Variants in SYTL5 observed in about 807,000 individuals in gnomAD.
SYTL5 encodes synaptotagmin-like protein 5.
SYTL5 carries 34 observed loss-of-function variants against 55.9 expected under a neutral mutation model. The ratio of observed to expected loss-of-function variants is 0.61; its 90% CI spans 0.46 to 0.81. The LOEUF (loss-of-function observed/expected upper bound fraction) is 0.81. Ranked by LOEUF, SYTL5 falls within the 30% of genes least tolerant of loss-of-function variation. SYTL5 has a pLI of 0.00. For synonymous variants in SYTL5, 221 were observed against 188.7 expected, an observed-to-expected ratio of 1.17 and a Z score of -1.40; for missense variants, 637 against 546.7, an observed-to-expected ratio of 1.17 and a Z score of -1.65.
intron 3 of SYTL5, among the ~76,000 whole-genome samples, chrX:38,062,607 C>T (rs1372883749): frequency 9.0e-6 from 1 of 111,568 alleles, no homozygotes; most frequent in East Asian, 2.8e-4. Context: ...ACTGGGCTCA[C>T]ACTGACAAAC....
At chrX:37,906,490 A>G in the SYTL5 span, 14 of 111,722 alleles carry the variant, frequency 1.3e-4, no homozygotes, top group Admixed American at 9.5e-5. Flanking sequence ...CAGAGGGCTT[A>G]GCTGGGATCC....
chrX:38,074,466 G>C (rs768322096), intron 5 of SYTL5, among the ~76,000 whole-genome samples: 114 of 110,855 alleles, frequency 1.0e-3, no homozygotes, highest in Middle Eastern at 9.2e-3. Context: ...GCCTGAGCTG[G>C]CCTTGAACTC....
the SYTL5 span, among the ~76,000 whole-genome samples, chrX:37,911,324 C>T: frequency 9.0e-6 from 1 of 110,703 alleles, no homozygotes. Flanking sequence ...GTTAATAGGA[C>T]GAAGGATGAG....
chrX:37,936,000 A>C, the SYTL5 span, among the ~76,000 whole-genome samples: 5 of 112,273 alleles, frequency 4.5e-5, no homozygotes, highest in African/African-American at 6.5e-5. Flanking sequence ...ATTCAAAGTC[A>C]CAAATATGTC....
chrX:38,019,153 C>A, intron 1 of SYTL5, among the ~76,000 whole-genome samples: 1 of 112,537 alleles, frequency 8.9e-6, no homozygotes, highest in East Asian at 2.8e-4. Context: ...AACGGAGCTG[C>A]TCTGTTTGAA....
At position 38,025,323 on chromosome X, in the gene SYTL5, T is replaced by G. The variant is rs147198944; in HGVS notation, c.-356-8211T>G. On this transcript the variant is annotated intron_variant, in intron 1 of 16. Transcript: ENST00000297875. ...TTAAAGCTGCATTTCAAGTACACAGTAATGAGATATATTCAGATATACCCT... is the reference window on the plus strand; with the variant it reads ...TTAAAGCTGCATTTCAAGTACACAGGAATGAGATATATTCAGATATACCCT... Among the ~76,000 whole-genome samples, 1,046 of 112,474 alleles carry G rather than the reference T, an allele frequency of 9.3e-3. 6 individuals carry two copies. Among genetic ancestry groups the G allele is most frequent in the Middle Eastern group, 0.023 (5 of 218 alleles).
chrX:38,111,521 G>T (rs1937358352), intron 13 of SYTL5, among the ~76,000 whole-genome samples: 1 of 112,089 alleles, frequency 8.9e-6, no homozygotes, highest in African/African-American at 3.2e-5. Context: ...GCAGTGATTA[G>T]GCATAGCTTG....
chrX:38,027,092 C>T (rs1413393615), intron 1 of SYTL5, among the ~76,000 whole-genome samples: 2 of 111,649 alleles, frequency 1.8e-5, no homozygotes, highest in African/African-American at 6.5e-5. Flanking sequence ...GAGAGGAGCT[C>T]AGTTGGAAAG....
intron 2 of SYTL5, among the ~76,000 whole-genome samples, chrX:38,037,277 A>T (rs73465412): frequency 1.8e-5 from 2 of 110,564 alleles, no homozygotes; most frequent in Admixed American, 1.9e-4. Flanking sequence ...CCTAAAAATC[A>T]CACCCTTGCT....
At chrX:38,081,241 A>C (rs2147461000) in intron 6 of SYTL5, among the ~76,000 whole-genome samples, 1 of 111,616 alleles carries the variant, frequency 9.0e-6, no homozygotes. Flanking sequence ...TCAAAGCCAC[A>C]AGCTGTAGCA....
At chrX:37,899,176 A>G in the SYTL5 span, among the ~76,000 whole-genome samples, 1 of 111,735 alleles carries the variant, frequency 8.9e-6, no homozygotes, top group East Asian at 2.8e-4. Context: ...TTAATCTATT[A>G]TACATCATTT....
chrX:37,939,258 TA>T, the SYTL5 span, among the ~76,000 whole-genome samples: 12 of 86,350 alleles, frequency 1.4e-4, no homozygotes, highest in African/African-American at 1.2e-4. Context: ...AAACTCCTTC[TA>T]AAAAAAAAAG....
At chrX:37,969,314 T>C in the SYTL5 span, among the ~76,000 whole-genome samples, 9 of 111,640 alleles carry the variant, frequency 8.1e-5, no homozygotes, top group South Asian at 1.5e-3. Flanking sequence ...TCAGATTAAA[T>C]TTACCAAATT....
rs1937619895 is a variant in SYTL5 at position 38,125,349 on chromosome X, A to G, written c.1893A>G (p.Ile631Met). 3 of 1,211,590 alleles carry G rather than the reference A, an allele frequency of 2.5e-6. No individual in the cohort carries two copies. The East Asian group carries it at 8.9e-5, about 36-fold the overall frequency. ...CCACCAAGCACAAAACTCTGGTAAT[A>G]AAAAAGAGTGTTAACCCTCAGTGGA... is the stretch of plus-strand genomic sequence containing the variant. ...SKATKHKTLV[I>M]KKSVNPQWNH... Residue 631 changes from isoleucine (I) to methionine (M), a missense_variant, in exon 16 of 17, where the codon ATA becomes ATG. By Grantham distance (10) the Ile-to-Met change is conservative. Coordinates refer to ENST00000297875, the MANE Select transcript of SYTL5 (RefSeq NM_138780.3).
the SYTL5 span, chrX:37,939,591 C>A: frequency 8.9e-6 from 1 of 112,254 alleles, no homozygotes; most frequent in Non-Finnish European, 1.9e-5. Flanking sequence ...GGTGCACTGG[C>A]TGAGCGCCAT....
At chrX:37,943,615 G>A in the SYTL5 span, among the ~76,000 whole-genome samples, 34 of 111,372 alleles carry the variant, frequency 3.1e-4, no homozygotes, top group African/African-American at 1.0e-3. Flanking sequence ...AAGTGTGGGG[G>A]ATTTTCAGTA....
At chrX:37,955,113 T>C in the SYTL5 span, among the ~76,000 whole-genome samples, 1 of 110,288 alleles carries the variant, frequency 9.1e-6, no homozygotes, top group African/African-American at 3.3e-5. Flanking sequence ...AAAATTAGGG[T>C]TATGGTCCCT....
At chrX:37,902,255 G>A in the SYTL5 span, among the ~76,000 whole-genome samples, 533 of 111,823 alleles carry the variant, frequency 4.8e-3, 1 homozygote, top group African/African-American at 0.013. Flanking sequence ...CTTCCTGTGC[G>A]CACCTTAATA....
chrX:38,050,887 C>T (rs1935605744), intron 2 of SYTL5, among the ~76,000 whole-genome samples: 1 of 112,228 alleles, frequency 8.9e-6, no homozygotes, highest in Non-Finnish European at 1.9e-5. Flanking sequence ...GAACCCTGCC[C>T]TTGATTTTAA....
Sources: gnomAD v4.1 joint callset for allele counts (sites outside exome capture counted in the v4.1 genomes callset) on GRCh38, gnomAD v4.1.1 for gene constraint, MANE v1.5 for transcripts, NCBI Gene and HGNC (gene_info 2026-07-23, HGNC 2026-07-21) for gene names.